PATL2: variants seen among roughly 807,000 people sequenced by gnomAD.
PATL2 encodes the protein PAT1 homolog 2, also known as protein PAT1 homolog 2.
PATL2 carries 73 observed loss-of-function variants against 77.0 expected under a neutral mutation model. The observed-to-expected ratio is 0.95, with a 90% CI of 0.78 to 1.15. The LOEUF (loss-of-function observed/expected upper bound fraction) is 1.15. Among genes scored for constraint, PATL2 ranks in the 50% most tolerant of loss-of-function variants. The pLI, the probability that PATL2 is intolerant of heterozygous loss-of-function variation, is 0.00. For missense variants in PATL2, 618 were observed against 655.4 expected (o/e 0.94, Z 0.62); for synonymous variants, 265 against 257.1 (o/e 1.03, Z -0.29).
chr15:44,667,365 ACT>A (rs2141161934), intron 15 of PATL2, 162 bp from the exon 16 acceptor site: 3 of 607,592 alleles, frequency 4.9e-6, no homozygotes, highest in East Asian at 2.8e-5. Flanking sequence ...GAGCCAAAGA[ACT>A]CTCTAACCCT....
chr15:44,695,355 A>C (rs1355317173), intron 3 of PATL2, among the ~76,000 whole-genome samples: 3 of 152,244 alleles, frequency 2.0e-5, no homozygotes, highest in Non-Finnish European at 4.4e-5. Flanking sequence ...AGATGCCTGC[A>C]GTTGAGCCAA....
intron 3 of PATL2, among the ~76,000 whole-genome samples, chr15:44,692,370 A>G (rs751077684): frequency 3.3e-5 from 5 of 152,212 alleles, no homozygotes; most frequent in Non-Finnish European, 5.9e-5. Flanking sequence ...TAAAATAGCA[A>G]ACAAAAAATA....
intron 4 of PATL2, 139 bp from the exon 5 acceptor site, chr15:44,675,830 G>C: frequency 1.4e-6 from 1 of 738,434 alleles, no homozygotes; most frequent in Non-Finnish European, 2.1e-6. Context: ...CTCCTGTTCT[G>C]TGGGTTTAAC....
chr15:44,674,823 C>T (rs1209661679), intron 5 of PATL2: 2 of 152,214 alleles, frequency 1.3e-5, no homozygotes, highest in East Asian at 3.9e-4. Flanking sequence ...CTCTAGCAAC[C>T]CTCCCAAAGT....
chr15:44,689,660 A>G lies in PATL2; in HGVS notation c.-75-13095T>C, dbSNP rs142924231. Among the ~76,000 whole-genome samples the G allele has an allele frequency of 6.5e-3, 982 of 152,220 alleles. 10 individuals carry two copies. Among genetic ancestry groups the G allele is most frequent in the African/African-American group, 0.022 (933 of 41,538 alleles). On this transcript the variant is annotated intron_variant, in intron 3 of 17. Transcript: ENST00000682850. Reference sequence around the variant, plus strand: ...CTCACTCATAAGTGGGAGTTGAACAATGAGAACACATGGACACAGGGAGGG... The same window carrying G: ...CTCACTCATAAGTGGGAGTTGAACAGTGAGAACACATGGACACAGGGAGGG...
chr15:44,704,326 G>C (rs913063848), intron 3 of PATL2, among the ~76,000 whole-genome samples: 1 of 151,684 alleles, frequency 6.6e-6, no homozygotes, highest in African/African-American at 2.4e-5. Context: ...CCTGTTGTAT[G>C]CTTTTTTATT....
chr15:44,671,174 G>A (rs1422839697), intron 9 of PATL2, among the ~76,000 whole-genome samples: 1 of 152,154 alleles, frequency 6.6e-6, no homozygotes, highest in Non-Finnish European at 1.5e-5. Context: ...CTGGATGGGA[G>A]GCTCCCAGAT....
At chr15:44,669,928 G>C (rs1447058144) in intron 10 of PATL2, 39 bp downstream of exon 10, 11 of 1,550,150 alleles carry the variant, frequency 7.1e-6, no homozygotes, top group Non-Finnish European at 9.6e-6. Flanking sequence ...TGTCCACCCA[G>C]ATGCCCAGCC....
chr15:44,666,635 A>C, intron 16 of PATL2, 94 bp from the exon 17 acceptor site: 1 of 1,290,586 alleles, frequency 7.7e-7, no homozygotes, highest in Admixed American at 3.0e-5. Flanking sequence ...TACTACTACC[A>C]TTGTCCCCCA....
At chr15:44,690,126 T>C (rs2086355996) in intron 3 of PATL2, among the ~76,000 whole-genome samples, 1 of 150,126 alleles carries the variant, frequency 6.7e-6, no homozygotes. Context: ...GAGGCGGAGG[T>C]TGCCATGAGC....
chr15:44,703,212 C>T (rs186946862), intron 3 of PATL2, among the ~76,000 whole-genome samples: 44 of 152,142 alleles, frequency 2.9e-4, no homozygotes, highest in Non-Finnish European at 3.2e-4. Context: ...GGAGGTGGAG[C>T]TTGCAGTAAG....
At chr15:44,668,535 C>T in intron 14 of PATL2, 53 bp from the exon 15 acceptor site, 1 of 1,531,458 alleles carries the variant, frequency 6.5e-7, no homozygotes. Context: ...TTCACCTCCC[C>T]TTACCTTGCT....
At chr15:44,671,186 T>G (rs2085655528) in intron 9 of PATL2, among the ~76,000 whole-genome samples, 1 of 151,862 alleles carries the variant, frequency 6.6e-6, no homozygotes, top group African/African-American at 2.4e-5. Flanking sequence ...CTCCCAGATG[T>G]TGAGGTGAAA....
rs766918366 is a variant in PATL2 at position 44,668,483 on chromosome 15, C to T, written c.1225-1G>A. On this transcript the variant is annotated splice_acceptor_variant, in intron 14 of 17. Transcript: ENST00000682850. LOFTEE classifies it high-confidence loss of function. ...GAGGTTTGAATAACATTTGTAGGGC[C>T]TGCAAGAAGATCAGTAAGCACCTCC... 1.7e-5 allele frequency: 26 copies of T among 1,549,768 alleles called. No homozygotes were observed. Among genetic ancestry groups the T allele is most frequent in the Non-Finnish European group, 2.2e-5 (25 of 1,146,436 alleles).
At chr15:44,676,647 C>G in intron 3 of PATL2, 82 bp from the exon 4 acceptor site, 2 of 1,337,866 alleles carry the variant, frequency 1.5e-6, no homozygotes, top group Non-Finnish European at 1.0e-6. Flanking sequence ...TGGAATCCTC[C>G]CAGCAAGATG....
chr15:44,701,927 C>T (rs2086638821), intron 3 of PATL2, among the ~76,000 whole-genome samples: 1 of 151,830 alleles, frequency 6.6e-6, no homozygotes. Context: ...ATTTTACCAA[C>T]AACCAGATCT....
intron 3 of PATL2, among the ~76,000 whole-genome samples, chr15:44,681,770 A>G (rs2086138471): frequency 6.6e-6 from 1 of 152,176 alleles, no homozygotes; most frequent in Admixed American, 6.5e-5. Context: ...GTTTTGTCAG[A>G]TCAGACACCC....
In PATL2 at chr15:44,668,043, C is replaced by T. The variant is rs147365262; in HGVS notation, c.1365+299G>A. On this transcript the variant is annotated intron_variant, in intron 15 of 17. Coordinates refer to ENST00000682850, the MANE Select transcript of PATL2 (RefSeq NM_001387263.1). The stretch of plus-strand genomic sequence containing the variant: ...TAGTGTGGTTTAGAATATTTTTTTA[C>T]TGAAAGGGGTATACAAGAGTTTGGA... 2.6e-3 allele frequency among the ~76,000 whole-genome samples: 389 copies of T among 152,150 alleles called. 5 individuals carry two copies. The highest frequency in any genetic ancestry group is 9.2e-3 in the African/African-American group (382 of 41,530).
At position 44,668,338 on chromosome 15, in the gene PATL2, T is replaced by G; in HGVS notation, c.1365+4A>C. The G allele has an allele frequency of 6.5e-7, 1 of 1,550,046 alleles. No homozygotes were observed. Among genetic ancestry groups the G allele is most frequent in the Non-Finnish European group, 8.7e-7 (1 of 1,146,708 alleles). On this transcript the variant is annotated splice_donor_region_variant and intron_variant, in intron 15 of 17. Transcript: ENST00000682850. ...TATGGAAAAAAGCCTCCTAGACATG[T>G]TACCTGATTCTGAAGCACCACGGTG...
Sources: gnomAD v4.1 joint callset for allele counts (sites outside exome capture counted in the v4.1 genomes callset) on GRCh38, gnomAD v4.1.1 for gene constraint, MANE v1.5 for transcripts, NCBI Gene and HGNC (gene_info 2026-07-23, HGNC 2026-07-21) for gene names.